The following AFAP1L2 variants were observed in gnomAD, a reference collection of about 807,000 sequenced individuals.
The protein encoded by AFAP1L2 is actin filament associated protein 1 like 2, also known as actin filament-associated protein 1-like 2.
Under a neutral mutation model 99.3 loss-of-function variants are expected in AFAP1L2, and 46 were observed. The ratio of observed to expected loss-of-function variants is 0.46; its 90% CI spans 0.37 to 0.59. The LOEUF is 0.59. AFAP1L2 is among the 20% of genes least tolerant of loss of function. The pLI, the probability that AFAP1L2 is intolerant of heterozygous loss-of-function variation, is 0.00. For synonymous variants in AFAP1L2, 397 were observed against 419.1 expected (o/e 0.95, Z 0.64); for missense variants, 959 against 1,034.9 (o/e 0.93, Z 1.01).
intron 1 of AFAP1L2, among the ~76,000 whole-genome samples, chr10:114,394,268 A>G (rs2138118896): frequency 6.6e-6 from 1 of 152,314 alleles, no homozygotes; most frequent in African/African-American, 2.4e-5. Context: ...AGCAGGGGCC[A>G]CAGTGAACAA....
At chr10:114,326,110 C>G in intron 4 of AFAP1L2, 5 of 1,202,148 alleles carry the variant, frequency 4.2e-6, no homozygotes, top group Non-Finnish European at 5.4e-6. Flanking sequence ...ATCATCACCA[C>G]AGGGTCTGTC....
At chr10:114,351,600 T>C (rs1183445658) in intron 1 of AFAP1L2, among the ~76,000 whole-genome samples, 1 of 152,100 alleles carries the variant, frequency 6.6e-6, no homozygotes, top group Non-Finnish European at 1.5e-5. Context: ...GCTGATTAGG[T>C]GCCCACTGGA....
chr10:114,336,551 G>A (rs1245848218), intron 2 of AFAP1L2, among the ~76,000 whole-genome samples: 1 of 152,246 alleles, frequency 6.6e-6, no homozygotes, highest in Non-Finnish European at 1.5e-5. Context: ...GTGCTTAGAG[G>A]TCTGCAGAGG....
intron 4 of AFAP1L2, chr10:114,326,073 C>T (rs1034966907): frequency 1.6e-6 from 2 of 1,280,106 alleles, no homozygotes; most frequent in Admixed American, 2.3e-5. Flanking sequence ...GAGGAGTGAA[C>T]CCTTCTGCAG....
chr10:114,288,024 G>C, the AFAP1L2 span, among the ~76,000 whole-genome samples: 1 of 152,146 alleles, frequency 6.6e-6, no homozygotes, highest in Admixed American at 6.6e-5. Context: ...CAGAGCATCA[G>C]CTCCTCTAAC....
At chr10:114,333,174 TC>T in intron 3 of AFAP1L2, 46 bp downstream of exon 3, 1 of 1,544,974 alleles carries the variant, frequency 6.5e-7, no homozygotes, top group South Asian at 1.1e-5. Context: ...CCTTCCCCCA[TC>T]CCAGGAGTGG....
chr10:114,350,092 C>T (rs1214972930), intron 1 of AFAP1L2, among the ~76,000 whole-genome samples: 2 of 152,172 alleles, frequency 1.3e-5, no homozygotes, highest in African/African-American at 4.8e-5. Context: ...ACAAAACTCC[C>T]CAAGAGCAGA....
In AFAP1L2 at chr10:114,313,924, C is replaced by A; in HGVS notation, c.739G>T (p.Asp247Tyr). Reference sequence around the variant, plus strand: ...CTCTGCAGGCCCAGCACAATCACATCGGCATTCATCGGCGTGATCTTCAGC... The same window carrying A: ...CTCTGCAGGCCCAGCACAATCACATAGGCATTCATCGGCGTGATCTTCAGC... ...HKLKITPMNA[D>Y]VIVLGLQSKD... The change falls in exon 7 of 19, where the codon GAT becomes TAT. Residue 247 changes from aspartate (D) to tyrosine (Y), a missense_variant. Physicochemically the swap from Asp to Tyr is radical, Grantham distance 160 (BLOSUM62 -3). Coordinates refer to ENST00000304129, the MANE Select transcript of AFAP1L2 (RefSeq NM_001001936.3). 2 of 1,614,022 alleles carry A rather than the reference C, an allele frequency of 1.2e-6. No individual in the cohort carries two copies. The highest frequency in any genetic ancestry group is 2.2e-5 in the South Asian group (2 of 91,060).
chr10:114,307,787 G>A lies in AFAP1L2; in HGVS notation c.1072+18C>T, dbSNP rs755362922. 2.5e-6 allele frequency: 4 copies of A among 1,605,162 alleles called. No homozygotes were observed. The highest frequency in any genetic ancestry group is 3.4e-6 in the Non-Finnish European group (4 of 1,172,146). On this transcript the variant is annotated intron_variant, in intron 10 of 18. Transcript: ENST00000304129. ...CAGGAAATGAGCCTGTGGTCCCGGA[G>A]GTAGCTACAATTCTTACTGGATGTC...
intron 16 of AFAP1L2, among the ~76,000 whole-genome samples, chr10:114,298,270 C>T (rs533478701): frequency 6.6e-6 from 1 of 152,136 alleles, no homozygotes; most frequent in South Asian, 2.1e-4. Flanking sequence ...CCCAGCTACT[C>T]AGGAGGCTGA....
chr10:114,331,815 CG>C lies in AFAP1L2; in HGVS notation c.302del (p.Pro101ArgfsTer5). 1 of 1,388,702 alleles carries C rather than the reference CG, an allele frequency of 7.2e-7. No homozygotes were observed. The highest frequency in any genetic ancestry group is 9.4e-7 in the Non-Finnish European group (1 of 1,063,764). The allele number at this position is 1,388,702 out of a possible 1,614,324, so 86.0% of individuals were successfully genotyped here. A position where few individuals can be genotyped will look rare whatever the true frequency, so the allele number is the denominator to read the frequency against. On this transcript the variant is annotated frameshift_variant, in exon 4 of 19. Coordinates refer to ENST00000304129, the MANE Select transcript of AFAP1L2 (RefSeq NM_001001936.3). LOFTEE classifies it high-confidence loss of function. The part of the protein sequence containing the change: ...SAPQKSLPDL[P>X]PPKMIPERKQ... ...AACTGATGCTTACCATCTTGGGTGG[CG>C]GGAGGTCTGGAAGGCTCTTCTGAGG...
At chr10:114,290,462 T>C, downstream of AFAP1L2, 3 of 1,482,868 alleles carry the variant, frequency 2.0e-6, no homozygotes, top group African/African-American at 1.4e-5. Context: ...TCTAAAACAT[T>C]CGTTCAGTGG....
chr10:114,349,395 AAAAAAAAAG>A (rs2050102057), intron 1 of AFAP1L2, among the ~76,000 whole-genome samples: 3 of 149,228 alleles, frequency 2.0e-5, no homozygotes, highest in Middle Eastern at 6.8e-3. Context: ...AAAAAAAAAA[AAAAAAAAAG>A]AAAAGAAAAG....
chr10:114,332,449 G>A (rs917846098), intron 3 of AFAP1L2, among the ~76,000 whole-genome samples: 4 of 152,220 alleles, frequency 2.6e-5, no homozygotes, highest in Non-Finnish European at 4.4e-5. Context: ...GCCAGCCCTG[G>A]GACAGACAGG....
chr10:114,353,518 C>T (rs1043239378), intron 1 of AFAP1L2, among the ~76,000 whole-genome samples: 1 of 152,098 alleles, frequency 6.6e-6, no homozygotes, highest in African/African-American at 2.4e-5. Flanking sequence ...CATTACCATC[C>T]CCAGATTTGA....
At chr10:114,335,423 T>C (rs1056747831) in intron 2 of AFAP1L2, among the ~76,000 whole-genome samples, 10 of 151,984 alleles carry the variant, frequency 6.6e-5, no homozygotes, top group African/African-American at 9.7e-5. Flanking sequence ...CCATCCTGGC[T>C]AACATGGTGA....
intron 1 of AFAP1L2, among the ~76,000 whole-genome samples, chr10:114,379,903 G>A (rs1378080550): frequency 1.3e-5 from 2 of 152,250 alleles, no homozygotes; most frequent in Non-Finnish European, 2.9e-5. Context: ...CCTGGGAAGA[G>A]ATGATGATTT....
At chr10:114,401,402 G>A (rs1414819942) in intron 1 of AFAP1L2, among the ~76,000 whole-genome samples, 1 of 152,186 alleles carries the variant, frequency 6.6e-6, no homozygotes, top group Admixed American at 6.5e-5. Flanking sequence ...CATGCACAGC[G>A]ATAAAAGGAT....
intron 2 of AFAP1L2, among the ~76,000 whole-genome samples, chr10:114,338,068 G>C (rs1351586160): frequency 6.6e-6 from 1 of 152,236 alleles, no homozygotes; most frequent in Non-Finnish European, 1.5e-5. Flanking sequence ...GAGAGGCTAA[G>C]GCAGATGATT....
Sources: gnomAD v4.1 joint callset for allele counts (sites outside exome capture counted in the v4.1 genomes callset) on GRCh38, gnomAD v4.1.1 for gene constraint, MANE v1.5 for transcripts, NCBI Gene and HGNC (gene_info 2026-07-23, HGNC 2026-07-21) for gene names.